Variants in TMEM132C observed in about 807,000 individuals in gnomAD.
TMEM132C encodes transmembrane protein 132C.
A neutral mutation model predicts 61.4 loss-of-function variants in TMEM132C; 29 were observed. The observed-to-expected ratio is 0.47, with a 90% CI of 0.35 to 0.64. TMEM132C has a LOEUF of 0.64. TMEM132C is among the 30% of genes least tolerant of loss of function. TMEM132C has a pLI of 0.00. For synonymous variants in TMEM132C, 656 were observed against 633.1 expected (o/e 1.04, Z -0.54); for missense variants, 1,408 against 1,476.9 (o/e 0.95, Z 0.76).
rs1272190172 is a variant in TMEM132C at position 128,665,982 on chromosome 12, AACACACAGGCACTC to A, written c.1306-3422_1306-3409del. Among the ~76,000 whole-genome samples, 113 of 119,108 alleles carry A rather than the reference AACACACAGGCACTC, an allele frequency of 9.5e-4. 2 individuals carry two copies. The highest frequency in any genetic ancestry group is 3.4e-3 in the African/African-American group (103 of 30,646). The allele number at this position is 119,108 out of a possible 152,430, so 78.1% of individuals were successfully genotyped here. On this transcript the variant is annotated intron_variant, in intron 4 of 8. Coordinates refer to ENST00000435159, the MANE Select transcript of TMEM132C (RefSeq NM_001136103.3). ...ACACACACGGGCACATGTACCCGTA[AACACACAGGCACTC>A]ACACACAGGCACACACACATTCACA...
intron 5 of TMEM132C, among the ~76,000 whole-genome samples, chr12:128,690,299 A>G (rs545368383): frequency 6.6e-5 from 10 of 152,318 alleles, no homozygotes; most frequent in South Asian, 4.1e-4. Flanking sequence ...CCGAGGGACT[A>G]AAAAGACTCC....
chr12:128,434,543 C>A (rs370307408), intron 2 of TMEM132C, among the ~76,000 whole-genome samples: 3 of 152,124 alleles, frequency 2.0e-5, no homozygotes, highest in Admixed American at 6.6e-5. Context: ...CTGCCTCGGC[C>A]TCTCAAAGTG....
intron 2 of TMEM132C, among the ~76,000 whole-genome samples, chr12:128,423,685 C>G (rs1238475299): frequency 6.6e-6 from 1 of 151,884 alleles, no homozygotes; most frequent in African/African-American, 2.4e-5. Context: ...GCCTGGGCAA[C>G]ATAGCGAGAC....
intron 3 of TMEM132C, among the ~76,000 whole-genome samples, chr12:128,600,111 T>C (rs1365099310): frequency 6.6e-6 from 1 of 152,058 alleles, no homozygotes; most frequent in Non-Finnish European, 1.5e-5. Context: ...GCCTCCTGAG[T>C]AGCTGGGACT....
At chr12:128,494,608 C>G (rs944470442) in intron 2 of TMEM132C, among the ~76,000 whole-genome samples, 1 of 152,130 alleles carries the variant, frequency 6.6e-6, no homozygotes. Context: ...TTATCCATTT[C>G]TTCTAGATTT....
At chr12:128,408,388 A>G (rs1314341524) in intron 1 of TMEM132C, among the ~76,000 whole-genome samples, 1 of 152,174 alleles carries the variant, frequency 6.6e-6, no homozygotes, top group Non-Finnish European at 1.5e-5. Context: ...CTGTTGGTGA[A>G]TGCTCCCACT....
chr12:128,370,897 A>G (rs886818985), intron 1 of TMEM132C, among the ~76,000 whole-genome samples: 4 of 152,174 alleles, frequency 2.6e-5, no homozygotes, highest in Non-Finnish European at 5.9e-5. Flanking sequence ...GGAGCTCACT[A>G]TGCCCCAGAC....
intron 4 of TMEM132C, among the ~76,000 whole-genome samples, chr12:128,661,341 A>C (rs536816825): frequency 2.6e-5 from 4 of 152,208 alleles, no homozygotes; most frequent in Non-Finnish European, 5.9e-5. Flanking sequence ...CCATCACAGC[A>C]ACAGCTAGGT....
At chr12:128,689,735 T>A (rs550003621) in intron 5 of TMEM132C, among the ~76,000 whole-genome samples, 1 of 152,308 alleles carries the variant, frequency 6.6e-6, no homozygotes, top group South Asian at 2.1e-4. Flanking sequence ...ATTACCATCA[T>A]GAGCGGGATG....
At chr12:128,576,623 G>T (rs1440221977) in intron 3 of TMEM132C, among the ~76,000 whole-genome samples, 2 of 152,218 alleles carry the variant, frequency 1.3e-5, no homozygotes, top group Admixed American at 6.5e-5. Context: ...CACTTGGTAT[G>T]CATCTCTTAA....
At chr12:128,550,987 G>A (rs1874155899) in intron 3 of TMEM132C, among the ~76,000 whole-genome samples, 1 of 152,198 alleles carries the variant, frequency 6.6e-6, no homozygotes, top group Non-Finnish European at 1.5e-5. Flanking sequence ...TGGACTCAGA[G>A]CTTCCCACAG....
At chr12:128,564,707 C>G (rs1168544617) in intron 3 of TMEM132C, among the ~76,000 whole-genome samples, 2 of 152,192 alleles carry the variant, frequency 1.3e-5, no homozygotes, top group Non-Finnish European at 2.9e-5. Flanking sequence ...CCTCAGTTTC[C>G]TTATCTCTAA....
At chr12:128,531,330 G>A (rs545912671) in intron 2 of TMEM132C, among the ~76,000 whole-genome samples, 26 of 152,148 alleles carry the variant, frequency 1.7e-4, no homozygotes, top group Admixed American at 3.9e-4. Flanking sequence ...TGGCCAAAAG[G>A]GGTCAGTGTT....
At chr12:128,551,377 A>T (rs1565971893) in intron 3 of TMEM132C, among the ~76,000 whole-genome samples, 2 of 152,110 alleles carry the variant, frequency 1.3e-5, no homozygotes, top group Non-Finnish European at 2.9e-5. Context: ...CCATCTGTCT[A>T]TAAACACTCA....
At chr12:128,336,446 G>A (rs1419720026) in intron 1 of TMEM132C, among the ~76,000 whole-genome samples, 1 of 152,134 alleles carries the variant, frequency 6.6e-6, no homozygotes, top group Non-Finnish European at 1.5e-5. Flanking sequence ...ATATGATGAA[G>A]ACATCCCAGC....
intron 1 of TMEM132C, among the ~76,000 whole-genome samples, chr12:128,387,597 G>T (rs1031937096): frequency 6.6e-5 from 10 of 152,070 alleles, no homozygotes; most frequent in Admixed American, 6.6e-4. Context: ...GGATCACGAG[G>T]TCAGGAGTTC....
chr12:128,647,545 T>G (rs1327326055), intron 4 of TMEM132C, among the ~76,000 whole-genome samples: 29 of 135,972 alleles, frequency 2.1e-4, no homozygotes, highest in East Asian at 4.5e-4. Context: ...CATCAGCGTT[T>G]GATGTGAGTG....
chr12:128,294,457 A>C (rs552886869), intron 1 of TMEM132C, among the ~76,000 whole-genome samples: 1 of 152,290 alleles, frequency 6.6e-6, no homozygotes, highest in East Asian at 1.9e-4. Flanking sequence ...AGAAAATGCA[A>C]GCCATTGGAG....
intron 4 of TMEM132C, among the ~76,000 whole-genome samples, chr12:128,661,092 A>G (rs1322896397): frequency 6.6e-6 from 1 of 152,228 alleles, no homozygotes; most frequent in Non-Finnish European, 1.5e-5. Context: ...GATAGGCTAG[A>G]TAGATAGACA....
Sources: gnomAD v4.1 joint callset for allele counts (sites outside exome capture counted in the v4.1 genomes callset) on GRCh38, gnomAD v4.1.1 for gene constraint, MANE v1.5 for transcripts, NCBI Gene and HGNC (gene_info 2026-07-23, HGNC 2026-07-21) for gene names.